RAP1GDS1: variants seen among roughly 807,000 people sequenced by gnomAD.
The protein encoded by RAP1GDS1 is Rap1 GTPase-GDP dissociation stimulator 1, also known as RAP1, GTP-GDP dissociation stimulator 1.
Under a neutral mutation model 71.1 loss-of-function variants are expected in RAP1GDS1, and 35 were observed. The observed-to-expected ratio is 0.49, with a 90% confidence interval of 0.38 to 0.65. RAP1GDS1 has a LOEUF of 0.65. Among genes scored for constraint, RAP1GDS1 ranks in the 30% least tolerant of loss-of-function variants. The probability of loss-of-function intolerance (pLI) is 0.00; values close to 1 mark genes in which losing one functional copy is unlikely to be tolerated. For missense variants in RAP1GDS1, 663 were observed against 706.1 expected (o/e 0.94, Z 0.69); for synonymous variants, 229 against 243.1 (o/e 0.94, Z 0.54).
chr4:98,329,729 C>T (rs1176491100), intron 2 of RAP1GDS1, among the ~76,000 whole-genome samples: 1 of 139,540 alleles, frequency 7.2e-6, no homozygotes, highest in Non-Finnish European at 1.5e-5. Context: ...GCAGAGGTTG[C>T]AGTGAGCCAA....
rs80311993 is a variant in RAP1GDS1, at chr4:98,380,798, A to G, written c.508+1635A>G. ...CACTAAATGGGAAAAAGTTTTAGAA[A>G]TATAAATGAAAGAAATTTTAAGAAG... On this transcript the variant is annotated intron_variant, in intron 5 of 14. Transcript: ENST00000408927. Among the ~76,000 whole-genome samples the G allele has an allele frequency of 9.9e-3, 1,508 of 151,930 alleles. 20 individuals carry two copies. Among genetic ancestry groups the G allele is most frequent in the African/African-American group, 0.032 (1,348 of 41,516 alleles).
intron 2 of RAP1GDS1, among the ~76,000 whole-genome samples, chr4:98,313,460 A>G (rs1262906040): frequency 6.6e-6 from 1 of 152,230 alleles, no homozygotes; most frequent in Non-Finnish European, 1.5e-5. Flanking sequence ...ATACATTTCT[A>G]GGTATCAAGA....
chr4:98,396,135 A>C (rs1263531984), intron 6 of RAP1GDS1: 2 of 152,162 alleles, frequency 1.3e-5, no homozygotes, highest in African/African-American at 2.4e-5. Context: ...AGGGGATGGT[A>C]CTAACCATTC....
chr4:98,366,510 G>A (rs570045799), intron 4 of RAP1GDS1, among the ~76,000 whole-genome samples: 2 of 152,136 alleles, frequency 1.3e-5, no homozygotes, highest in South Asian at 2.1e-4. Flanking sequence ...ATGTGGAAGC[G>A]ACTTTGGAAC....
chr4:98,340,971 G>A (rs564137345), intron 2 of RAP1GDS1, among the ~76,000 whole-genome samples: 2 of 151,996 alleles, frequency 1.3e-5, no homozygotes, highest in Admixed American at 6.6e-5. Context: ...AAACCCCCAT[G>A]ACATGCAATT....
chr4:98,351,618 G>C (rs753640551), intron 3 of RAP1GDS1, among the ~76,000 whole-genome samples: 5 of 151,752 alleles, frequency 3.3e-5, no homozygotes, highest in Non-Finnish European at 7.4e-5. Flanking sequence ...TGTCCAAAAA[G>C]GTAATTCAGT....
At chr4:98,423,134 A>G (rs1018764807) in intron 12 of RAP1GDS1, among the ~76,000 whole-genome samples, 2 of 152,238 alleles carry the variant, frequency 1.3e-5, no homozygotes, top group African/African-American at 2.4e-5. Flanking sequence ...TACGTATGCT[A>G]TTCGGGTGTA....
chr4:98,385,851 A>G (rs62323575), intron 5 of RAP1GDS1, among the ~76,000 whole-genome samples: 3,301 of 152,012 alleles, frequency 0.022, 63 homozygotes, highest in Middle Eastern at 0.051. Flanking sequence ...AGGGATTTCT[A>G]TGTTTTTAAG....
At chr4:98,358,081 A>G (rs541643006) in intron 4 of RAP1GDS1, among the ~76,000 whole-genome samples, 1 of 152,044 alleles carries the variant, frequency 6.6e-6, no homozygotes, top group Non-Finnish European at 1.5e-5. Flanking sequence ...TTGGCAGCCT[A>G]TGTGAAAAAA....
chr4:98,394,648 GCTT>G (rs1190568942), intron 6 of RAP1GDS1, among the ~76,000 whole-genome samples: 2 of 152,034 alleles, frequency 1.3e-5, no homozygotes, highest in Non-Finnish European at 2.9e-5. Context: ...ACAGTCAAGA[GCTT>G]CTGTGAGAGG....
At chr4:98,441,898 T>C in intron 14 of RAP1GDS1, 92 bp from the exon 15 acceptor site, 1 of 1,389,162 alleles carries the variant, frequency 7.2e-7, no homozygotes. Flanking sequence ...TTTTATAAGC[T>C]TAGTCTTGTC....
intron 1 of RAP1GDS1, among the ~76,000 whole-genome samples, chr4:98,289,649 C>G (rs938775457): frequency 6.6e-6 from 1 of 151,828 alleles, no homozygotes; most frequent in African/African-American, 2.4e-5. Context: ...ACAGTCCTTT[C>G]CACTTGACAT....
At chr4:98,272,735 T>G (rs2110234267) in intron 1 of RAP1GDS1, among the ~76,000 whole-genome samples, 1 of 152,222 alleles carries the variant, frequency 6.6e-6, no homozygotes, top group African/African-American at 2.4e-5. Flanking sequence ...GGGAAGTGCT[T>G]TGGAGCTTCT....
chr4:98,427,619 AAAAAT>A (rs1225419892), intron 12 of RAP1GDS1, among the ~76,000 whole-genome samples: 6 of 152,170 alleles, frequency 3.9e-5, no homozygotes, highest in African/African-American at 1.2e-4. Context: ...AATAGCTGCA[AAAAAT>A]AAAATAAAAT....
chr4:98,355,321 T>C (rs1737798056), intron 4 of RAP1GDS1, among the ~76,000 whole-genome samples: 1 of 152,234 alleles, frequency 6.6e-6, no homozygotes, highest in African/African-American at 2.4e-5. Context: ...AAATAAAGTA[T>C]GTTCTAAAGA....
At chr4:98,332,229 A>G (rs532231914) in intron 2 of RAP1GDS1, among the ~76,000 whole-genome samples, 1 of 152,338 alleles carries the variant, frequency 6.6e-6, no homozygotes, top group East Asian at 1.9e-4. Context: ...ACCTTATTAT[A>G]GAGGAATGTA....
chr4:98,428,715 A>G (rs1476985612), intron 12 of RAP1GDS1, among the ~76,000 whole-genome samples: 2 of 152,198 alleles, frequency 1.3e-5, no homozygotes, highest in East Asian at 1.9e-4. Context: ...GATGCAGTGA[A>G]TAGGGAATAC....
At chr4:98,374,609 C>T (rs758460171) in intron 4 of RAP1GDS1, among the ~76,000 whole-genome samples, 5 of 152,138 alleles carry the variant, frequency 3.3e-5, no homozygotes, top group Non-Finnish European at 7.3e-5. Flanking sequence ...GAATTGAGCG[C>T]ACTTCCTTTT....
intron 1 of RAP1GDS1, among the ~76,000 whole-genome samples, chr4:98,272,053 A>G (rs1175819886): frequency 6.6e-6 from 1 of 152,272 alleles, no homozygotes; most frequent in Non-Finnish European, 1.5e-5. Flanking sequence ...AGGTGATGCC[A>G]CACTGGGAAC....
Sources: allele counts gnomAD v4.1 joint callset (sites outside exome capture counted in the v4.1 genomes callset), GRCh38; gene constraint gnomAD v4.1.1; transcripts MANE v1.5; gene names NCBI Gene and HGNC (gene_info 2026-07-23, HGNC 2026-07-21).